Variants in CLIP2 observed in about 807,000 individuals in gnomAD.
CLIP2 encodes CAP-Gly domain containing linker protein 2.
Under a neutral mutation model 111.7 loss-of-function variants are expected in CLIP2, and 41 were observed. The observed-to-expected ratio is 0.37, with a 90% confidence interval of 0.29 to 0.48. CLIP2 has a LOEUF of 0.48. Ranked by LOEUF, CLIP2 falls within the 20% of genes least tolerant of loss-of-function variation. The pLI, the probability that CLIP2 is intolerant of heterozygous loss-of-function variation, is 0.99. For synonymous variants in CLIP2, 660 were observed against 644.2 expected, an observed-to-expected ratio of 1.02 and a Z score of -0.37; for missense variants, 1,160 against 1,422.1, an observed-to-expected ratio of 0.82 and a Z score of 2.96.
At chr7:74,329,701 C>A (rs1336558235) in intron 2 of CLIP2, among the ~76,000 whole-genome samples, 1 of 87,766 alleles carries the variant, frequency 1.1e-5, no homozygotes, top group African/African-American at 3.0e-5. Context: ...GGGCTGAGTT[C>A]ATCACACATT....
At position 74,321,850 on chromosome 7, in the gene CLIP2, C is replaced by T. The variant is rs561712197; in HGVS notation, c.121+4183C>T. 3.3e-5 allele frequency among the ~76,000 whole-genome samples: 5 copies of T among 152,044 alleles called. No individual in the cohort carries two copies. The East Asian group carries it at 9.6e-4, about 29-fold the overall frequency. On this transcript the variant is annotated intron_variant, in intron 2 of 16. Coordinates refer to ENST00000223398, the MANE Select transcript of CLIP2 (RefSeq NM_003388.5). ...AGTAGTGTACAGTCATCAGTCATGT[C>T]CTAGACCTTCACATTCACTCACTCA... is the stretch of plus-strand genomic sequence containing the variant.
At chr7:74,292,150 G>A (rs1256872645) in intron 1 of CLIP2, among the ~76,000 whole-genome samples, 1 of 151,944 alleles carries the variant, frequency 6.6e-6, no homozygotes, top group Non-Finnish European at 1.5e-5. Flanking sequence ...TTGAACTCCT[G>A]ACCTCAGGTG....
Position 74,403,845 on chromosome 7 carries a change from C to T in CLIP2, c.3138C>T (p.His1046=), listed in dbSNP as rs1250257456. The T allele has an allele frequency of 1.9e-6, 3 of 1,613,240 alleles. No individual in the cohort carries two copies. The highest frequency in any genetic ancestry group is 2.5e-6 in the Non-Finnish European group (3 of 1,179,878). Residue 1046 remains histidine (H), a synonymous_variant, in exon 17 of 17, where the codon CAC becomes CAT. Transcript: ENST00000223398. ...QDKAQKQEDK[H] ...CCCTTTACTCTCTCTAGGACAAGCACTGATCCTGAGGGGATACTGTGGAGC... is the reference window on the plus strand; with the variant it reads ...CCCTTTACTCTCTCTAGGACAAGCATTGATCCTGAGGGGATACTGTGGAGC...
intron 2 of CLIP2, among the ~76,000 whole-genome samples, chr7:74,326,308 G>A (rs1461928777): frequency 6.6e-6 from 1 of 152,152 alleles, no homozygotes; most frequent in Non-Finnish European, 1.5e-5. Flanking sequence ...CAGGGCCAGA[G>A]CTGAGACTCA....
At chr7:74,299,868 T>G (rs1788278910) in intron 1 of CLIP2, among the ~76,000 whole-genome samples, 1 of 151,864 alleles carries the variant, frequency 6.6e-6, no homozygotes, top group Non-Finnish European at 1.5e-5. Flanking sequence ...CGGCTAATTT[T>G]GTATTTTTAG....
chr7:74,317,594 C>T lies in CLIP2; in HGVS notation c.48C>T (p.His16=). 6.6e-7 allele frequency: 1 copy of T among 1,518,944 alleles called. No individual in the cohort carries two copies. The highest frequency in any genetic ancestry group is 1.3e-5 in the South Asian group (1 of 78,666). 94.1% of individuals were successfully genotyped at this position (1,518,944 alleles called of 1,614,324 possible). The change falls in exon 2 of 17, where the codon CAC becomes CAT. Residue 16 remains histidine (H), a synonymous_variant. Coordinates refer to ENST00000223398, the MANE Select transcript of CLIP2 (RefSeq NM_003388.5). The part of the protein sequence containing the change: ...GLKPPGRGGK[H]SSPMGRTSTG... ...AGCCCCCCGGCCGTGGGGGGAAGCACTCCAGCCCCATGGGCCGGACATCTA... is the reference window on the plus strand; with the variant it reads ...AGCCCCCCGGCCGTGGGGGGAAGCATTCCAGCCCCATGGGCCGGACATCTA...
intron 13 of CLIP2, among the ~76,000 whole-genome samples, chr7:74,392,564 C>T (rs756019545): frequency 9.2e-5 from 14 of 151,884 alleles, no homozygotes; most frequent in East Asian, 3.9e-4. Context: ...TGGCTGCTCA[C>T]GCCTGTAATC....
In CLIP2 at chr7:74,375,917, C is replaced by G; in HGVS notation, c.1516C>G (p.Leu506Val). The G allele has an allele frequency of 1.3e-6, 2 of 1,586,908 alleles. No individual in the cohort carries two copies. Among genetic ancestry groups the G allele is most frequent in the African/African-American group, 1.3e-5 (1 of 74,500 alleles). The part of the protein sequence containing the change: ...LTTVAEKSRV[L>V]QLEEELTLRR... ...CACAGTGGCCGAGAAGTCGCGCGTG[C>G]TGCAGCTGGAGGAGGAGCTCACCCT... The change falls in exon 10 of 17, where the codon CTG (leucine) becomes GTG (valine). Residue 506 changes from leucine to valine, a missense_variant. Coordinates refer to ENST00000223398, the MANE Select transcript of CLIP2 (RefSeq NM_003388.5).
chr7:74,376,923 C>T lies in CLIP2; in HGVS notation c.2421+101C>T. ...GCAGCCCAGGAAGCATTTCCCTTGT[C>T]CCCGAGAGCATGCCTGGGGCAGTCA... On this transcript the variant is annotated intron_variant, in intron 10 of 16. Transcript: ENST00000223398. This position sits in a 1 kb window ranked among gnomAD's most constrained non-coding sequence, Gnocchi z 7.1. The T allele has an allele frequency of 8.4e-7, 1 of 1,194,040 alleles. No homozygotes were observed. The highest frequency in any genetic ancestry group is 2.6e-5 in the East Asian group (1 of 39,054). 74.0% of individuals were successfully genotyped at this position (1,194,040 alleles called of 1,614,324 possible).
chr7:74,380,881 C>T lies in CLIP2; in HGVS notation c.2479+18C>T, dbSNP rs538299226. The T allele has an allele frequency of 3.9e-5, 63 of 1,612,744 alleles. 1 individual carries two copies. The highest frequency in any genetic ancestry group is 2.7e-4 in the African/African-American group (20 of 75,044). The stretch of plus-strand genomic sequence containing the variant: ...TGTGGAGGGTGAGTGGCCACCAGGC[C>T]GGGCGGGACTCTGGGCTCTGGGAAG... On this transcript the variant is annotated intron_variant, in intron 11 of 16. Transcript: ENST00000223398.
At chr7:74,343,934 G>A (rs1422189231) in intron 3 of CLIP2, among the ~76,000 whole-genome samples, 6 of 152,056 alleles carry the variant, frequency 3.9e-5, no homozygotes, top group African/African-American at 1.4e-4. Context: ...AGAACTGGTG[G>A]ATGTGAGGAT....
At chr7:74,399,693 C>T (rs1791564927) in intron 14 of CLIP2, among the ~76,000 whole-genome samples, 1 of 151,908 alleles carries the variant, frequency 6.6e-6, no homozygotes, top group Non-Finnish European at 1.5e-5. Context: ...ATGTGAGCCA[C>T]CACACCCTGC....
chr7:74,337,166 G>T (rs1175603919), intron 2 of CLIP2, among the ~76,000 whole-genome samples: 1 of 152,030 alleles, frequency 6.6e-6, no homozygotes, highest in Non-Finnish European at 1.5e-5. Context: ...GGGATTATAG[G>T]CATGAGCCAC....
chr7:74,400,923 G>A (rs73705368), intron 15 of CLIP2, among the ~76,000 whole-genome samples: 8 of 151,794 alleles, frequency 5.3e-5, no homozygotes, highest in Non-Finnish European at 1.0e-4. Context: ...CGGTCTGAAG[G>A]GGGAGGTAGC....
At chr7:74,324,684 A>G (rs931805402) in intron 2 of CLIP2, among the ~76,000 whole-genome samples, 1 of 152,062 alleles carries the variant, frequency 6.6e-6, no homozygotes, top group African/African-American at 2.4e-5. Context: ...CTGCCTTTGC[A>G]GGGCAGAACT....
chr7:74,333,792 G>T (rs1789369278), intron 2 of CLIP2, among the ~76,000 whole-genome samples: 1 of 152,158 alleles, frequency 6.6e-6, no homozygotes, highest in Non-Finnish European at 1.5e-5. Flanking sequence ...CTCATGTGAG[G>T]TTTAAGTCTG....
intron 2 of CLIP2, among the ~76,000 whole-genome samples, chr7:74,332,198 C>G (rs1165125764): frequency 6.6e-6 from 1 of 151,920 alleles, no homozygotes; most frequent in Non-Finnish European, 1.5e-5. Context: ...CTCAGCCTCT[C>G]GAGTAGCTGG....
chr7:74,376,059 G>C lies in CLIP2; in HGVS notation c.1658G>C (p.Ser553Thr), dbSNP rs144838891. ...CTACGGGAGCGGCTGCTCTCGGCCAGCAAGGAACACCAGAGGGAGAGTGGG... is the reference window on the plus strand; with the variant it reads ...CTACGGGAGCGGCTGCTCTCGGCCACCAAGGAACACCAGAGGGAGAGTGGG... ...LRLRERLLSA[S>T]KEHQRESGVL... The change falls in exon 10 of 17, where the codon AGC (serine) becomes ACC (threonine). Residue 553 changes from serine (S) to threonine (T), a missense_variant. By Grantham distance (58) the Ser-to-Thr change is moderately conservative. Around this residue, in one of 5 missense-constraint regions of CLIP2, gnomAD observed 676 missense variants for 777.8 expected, o/e 0.87. Coordinates refer to ENST00000223398, the MANE Select transcript of CLIP2 (RefSeq NM_003388.5). The surrounding 1 kb of genome is among the most constrained non-coding windows in gnomAD (Gnocchi z 7.1). 5.1e-5 allele frequency: 83 copies of C among 1,612,846 alleles called. No homozygotes were observed. In the African/African-American group the frequency reaches 8.9e-4, roughly 17 times the overall value.
chr7:74,295,380 G>A (rs544519288), intron 1 of CLIP2, among the ~76,000 whole-genome samples: 1 of 152,256 alleles, frequency 6.6e-6, no homozygotes, highest in Admixed American at 6.5e-5. Flanking sequence ...CTGTCTAGGG[G>A]CTCAGTGAAA....
Sources: allele counts gnomAD v4.1 joint callset (sites outside exome capture counted in the v4.1 genomes callset), GRCh38; gene constraint gnomAD v4.1.1; regional missense constraint gnomAD v4.1.1; non-coding constraint Gnocchi (gnomAD v3.1); transcripts MANE v1.5; gene names NCBI Gene and HGNC (gene_info 2026-07-23, HGNC 2026-07-21).